Variants in GULP1 observed in about 807,000 individuals in gnomAD.
GULP1 encodes the protein PTB domain-containing engulfment adapter protein 1.
In GULP1, 19 loss-of-function variants were observed where a neutral mutation model predicts 40.9. The observed-to-expected ratio is 0.46, with a 90% confidence interval of 0.32 to 0.68. GULP1 has a LOEUF of 0.68. Among genes scored for constraint, GULP1 ranks in the 30% least tolerant of loss-of-function variants. GULP1 has a pLI of 0.03. For synonymous variants in GULP1, 119 were observed against 117.6 expected (o/e 1.01, Z -0.08); for missense variants, 312 against 362.2 (o/e 0.86, Z 1.12).
At chr2:188,349,140 T>C (rs2044102126) in intron 1 of GULP1, among the ~76,000 whole-genome samples, 2 of 152,236 alleles carry the variant, frequency 1.3e-5, no homozygotes, top group African/African-American at 2.4e-5. Flanking sequence ...ATGTTCTGTT[T>C]ATGCATTCAT....
At chr2:188,330,844 C>T (rs1364285347) in intron 1 of GULP1, among the ~76,000 whole-genome samples, 1 of 152,088 alleles carries the variant, frequency 6.6e-6, no homozygotes, top group Non-Finnish European at 1.5e-5. Context: ...CTCTCAGCTC[C>T]CCCGACAATG....
At position 188,490,660 on chromosome 2, in the gene GULP1, A is replaced by G. The variant is rs2062286395; in HGVS notation, c.90+7168A>G. ...ATTTTTATTAACATAATTCCTGGAT[A>G]AAAATGCTTTGGTGTTATCTATGTC... is the stretch of plus-strand genomic sequence containing the variant. On this transcript the variant is annotated intron_variant, in intron 4 of 11. Coordinates refer to ENST00000409830, the MANE Select transcript of GULP1 (RefSeq NM_016315.4). Among the ~76,000 whole-genome samples, 8 of 152,214 alleles carry G rather than the reference A, an allele frequency of 5.3e-5. No homozygotes were observed. In the South Asian group the frequency reaches 1.7e-3, roughly 32 times the overall value.
intron 1 of GULP1, among the ~76,000 whole-genome samples, chr2:188,356,708 AC>A (rs755605244): frequency 5.3e-5 from 8 of 152,132 alleles, no homozygotes; most frequent in Non-Finnish European, 1.2e-4. Context: ...TTACAAAACT[AC>A]CAAAGACCCC....
intron 6 of GULP1, among the ~76,000 whole-genome samples, chr2:188,535,253 C>T (rs767036779): frequency 2.4e-4 from 36 of 151,896 alleles, no homozygotes; most frequent in Non-Finnish European, 4.7e-4. Context: ...TATATTGCAT[C>T]ATGCTGAGGT....
At chr2:188,542,638 G>A (rs1015547069) in intron 7 of GULP1, among the ~76,000 whole-genome samples, 5 of 151,856 alleles carry the variant, frequency 3.3e-5, no homozygotes, top group African/African-American at 1.2e-4. Context: ...GAAAAAAGAT[G>A]CTTAGCAATA....
intron 1 of GULP1, among the ~76,000 whole-genome samples, chr2:188,352,548 A>C (rs2152301932): frequency 6.7e-6 from 1 of 150,328 alleles, no homozygotes; most frequent in Middle Eastern, 3.4e-3. Context: ...CATTCCTTAA[A>C]ATTTTTCTCT....
intron 1 of GULP1, chr2:188,293,888 G>A (rs1351423940): frequency 2.6e-5 from 4 of 152,226 alleles, no homozygotes; most frequent in Non-Finnish European, 5.9e-5. Context: ...AGGGGCTGTC[G>A]GTTGCACTTG....
In GULP1 at chr2:188,511,662, G is replaced by A. The variant is rs528907795; in HGVS notation, c.91-11094G>A. On this transcript the variant is annotated intron_variant, in intron 4 of 11. Coordinates refer to ENST00000409830, the MANE Select transcript of GULP1 (RefSeq NM_016315.4). ...TTTCTTGTTTATAGCAAGTAGACTT[G>A]TTTGGACTTAAACATGGAAATTGTA... Among the ~76,000 whole-genome samples, 3 of 152,164 alleles carry A rather than the reference G, an allele frequency of 2.0e-5. No homozygotes were observed. In the East Asian group the frequency reaches 5.8e-4, roughly 30 times the overall value.
chr2:188,435,840 G>A (rs1332728207), intron 2 of GULP1, among the ~76,000 whole-genome samples: 2 of 152,028 alleles, frequency 1.3e-5, no homozygotes, highest in Admixed American at 1.3e-4. Flanking sequence ...GGCAAAGACT[G>A]GGATCTCTCC....
intron 1 of GULP1, among the ~76,000 whole-genome samples, chr2:188,307,222 TA>T (rs1276677686): frequency 6.6e-6 from 1 of 152,190 alleles, no homozygotes; most frequent in East Asian, 1.9e-4. Flanking sequence ...ACAAATATGA[TA>T]TTTTATGAAA....
chr2:188,347,489 A>G (rs1341206855), intron 1 of GULP1, among the ~76,000 whole-genome samples: 1 of 152,180 alleles, frequency 6.6e-6, no homozygotes, highest in African/African-American at 2.4e-5. Context: ...TAGTTATCTA[A>G]ATGTTCTTCA....
intron 1 of GULP1, among the ~76,000 whole-genome samples, chr2:188,328,859 T>TA (rs1166887941): frequency 2.6e-5 from 4 of 152,126 alleles, no homozygotes; most frequent in Non-Finnish European, 5.9e-5. Flanking sequence ...GATGAATACT[T>TA]AAACATTTAA....
chr2:188,541,446 A>G, intron 7 of GULP1, 128 bp downstream of exon 7: 1 of 821,582 alleles, frequency 1.2e-6, no homozygotes, highest in South Asian at 1.4e-5. Flanking sequence ...AAAGTCTGTA[A>G]ATACTTAGCT....
At chr2:188,466,815 C>T (rs1317602895) in intron 2 of GULP1, among the ~76,000 whole-genome samples, 2 of 152,004 alleles carry the variant, frequency 1.3e-5, no homozygotes, top group African/African-American at 4.8e-5. Flanking sequence ...TATCTCAGAA[C>T]TAACATATCC....
chr2:188,376,207 A>C (rs2048279875), intron 1 of GULP1, among the ~76,000 whole-genome samples: 1 of 152,244 alleles, frequency 6.6e-6, no homozygotes, highest in Admixed American at 6.5e-5. Flanking sequence ...ATTAATCCCC[A>C]AAATTAAATG....
At chr2:188,480,661 ATTGTCT>A (rs371023447) in intron 3 of GULP1, among the ~76,000 whole-genome samples, 2 of 151,714 alleles carry the variant, frequency 1.3e-5, no homozygotes, top group Admixed American at 6.6e-5. Context: ...AATTTTAGTG[ATTGTCT>A]TTGTTTTAGA....
At chr2:188,329,215 T>C (rs966255860) in intron 1 of GULP1, among the ~76,000 whole-genome samples, 2 of 152,052 alleles carry the variant, frequency 1.3e-5, no homozygotes, top group African/African-American at 4.8e-5. Flanking sequence ...AATAGCACTA[T>C]TATTACCATG....
chr2:188,339,285 T>C (rs1489344984), intron 1 of GULP1, among the ~76,000 whole-genome samples: 1 of 152,216 alleles, frequency 6.6e-6, no homozygotes. Flanking sequence ...AGATTTAGGC[T>C]TGGCTTTGCT....
chr2:188,330,729 A>G (rs368085487), intron 1 of GULP1, among the ~76,000 whole-genome samples: 1 of 152,196 alleles, frequency 6.6e-6, no homozygotes, highest in East Asian at 1.9e-4. Flanking sequence ...CCAACAAGCC[A>G]TGTAAATTTA....
Sources: gnomAD v4.1 joint callset for allele counts (sites outside exome capture counted in the v4.1 genomes callset) on GRCh38, gnomAD v4.1.1 for gene constraint, MANE v1.5 for transcripts, NCBI Gene and HGNC (gene_info 2026-07-23, HGNC 2026-07-21) for gene names.